Variants in CEPT1 observed in about 807,000 individuals in gnomAD.
CEPT1 encodes choline/ethanolaminephosphotransferase 1.
Under a neutral mutation model 42.6 loss-of-function variants are expected in CEPT1, and 7 were observed. That is an observed-to-expected ratio of 0.16 (90% CI 0.09 to 0.31). The LOEUF is 0.31. CEPT1 is among the 10% of genes least tolerant of loss of function. CEPT1 has a pLI of 1.00. For missense variants in CEPT1, 306 were observed against 502.1 expected, an observed-to-expected ratio of 0.61 and a Z score of 3.73; for synonymous variants, 171 against 171.9, an observed-to-expected ratio of 0.99 and a Z score of 0.04.
At chr1:111,149,437 A>G (rs749054067) in intron 2 of CEPT1, among the ~76,000 whole-genome samples, 1 of 151,826 alleles carries the variant, frequency 6.6e-6, no homozygotes, top group Non-Finnish European at 1.5e-5. Flanking sequence ...TAATTTTTGT[A>G]TTTGTAGTAG....
chr1:111,157,873 G>T (rs899881767), intron 2 of CEPT1, among the ~76,000 whole-genome samples: 16 of 152,178 alleles, frequency 1.1e-4, no homozygotes, highest in Non-Finnish European at 2.1e-4. Flanking sequence ...TTGCATCTCT[G>T]AGTGTTTAAT....
chr1:111,156,759 GA>G (rs1302680798), intron 2 of CEPT1, among the ~76,000 whole-genome samples: 1 of 151,870 alleles, frequency 6.6e-6, no homozygotes, highest in African/African-American at 2.4e-5. Context: ...CCCAGAAAAA[GA>G]AAAAAATTAC....
In CEPT1 at chr1:111,183,511, T is replaced by C. The variant is rs1236528616; in HGVS notation, c.1055T>C (p.Ile352Thr). The C allele has an allele frequency of 1.2e-6, 2 of 1,613,628 alleles. No individual in the cohort carries two copies. The highest frequency in any genetic ancestry group is 1.7e-6 in the Non-Finnish European group (2 of 1,179,646). ...SEMHLHDTAF[I>T]GPALLFLDQY... ...ATGCATTTGCATGACACAGCATTCA[T>C]AGGTCCGGCACTTTTGTTTCTGGAC... The change falls in exon 8 of 9, where the codon ATA becomes ACA. Residue 352 changes from isoleucine (I) to threonine (T), a missense_variant. Coordinates refer to ENST00000357172, the MANE Select transcript of CEPT1 (RefSeq NM_006090.5).
intron 5 of CEPT1, among the ~76,000 whole-genome samples, chr1:111,177,239 C>T (rs187279142): frequency 3.3e-5 from 5 of 152,160 alleles, no homozygotes; most frequent in East Asian, 1.9e-4. Flanking sequence ...GGTGTACTTA[C>T]GTGACAGGAT....
intron 1 of CEPT1, among the ~76,000 whole-genome samples, chr1:111,143,080 TTACAGG>T (rs1654749392): frequency 7.9e-5 from 12 of 152,250 alleles, no homozygotes; most frequent in Admixed American, 7.8e-4. Context: ...TGTTCTAAAG[TTACAGG>T]TTTCTTTATA....
intron 4 of CEPT1, among the ~76,000 whole-genome samples, chr1:111,169,693 ACT>A (rs1243441296): frequency 4.6e-5 from 7 of 152,288 alleles, no homozygotes; most frequent in African/African-American, 1.7e-4. Context: ...TGTCAAATAT[ACT>A]TTTTTTATGA....
At chr1:111,174,819 G>A in intron 4 of CEPT1, 60 bp from the exon 5 acceptor site, 1 of 1,010,552 alleles carries the variant, frequency 9.9e-7, no homozygotes, top group Non-Finnish European at 1.6e-6. Context: ...AAGCTTGCAA[G>A]TAATTAACTT....
At chr1:111,143,218 C>T (rs1437294323) in intron 1 of CEPT1, among the ~76,000 whole-genome samples, 1 of 152,208 alleles carries the variant, frequency 6.6e-6, no homozygotes, top group Non-Finnish European at 1.5e-5. Flanking sequence ...TGATCTCTCT[C>T]GTACCTGAGC....
intron 1 of CEPT1, among the ~76,000 whole-genome samples, chr1:111,141,643 T>G (rs1654581868): frequency 1.3e-5 from 2 of 152,128 alleles, no homozygotes; most frequent in African/African-American, 4.8e-5. Flanking sequence ...TTTCCTCTTT[T>G]AAGGAGTGCA....
At chr1:111,174,428 A>C (rs572954545) in intron 4 of CEPT1, among the ~76,000 whole-genome samples, 2 of 152,188 alleles carry the variant, frequency 1.3e-5, no homozygotes, top group African/African-American at 2.4e-5. Flanking sequence ...TAAGTTTTAC[A>C]GAGTCTTAGT....
intron 4 of CEPT1, among the ~76,000 whole-genome samples, chr1:111,163,528 T>C (rs955823727): frequency 1.3e-5 from 2 of 151,732 alleles, no homozygotes; most frequent in African/African-American, 4.8e-5. Context: ...ACTTGCGCCC[T>C]GGAAATAGAG....
chr1:111,169,795 A>G (rs1656332314), intron 4 of CEPT1, among the ~76,000 whole-genome samples: 1 of 152,298 alleles, frequency 6.6e-6, no homozygotes, highest in South Asian at 2.1e-4. Context: ...TCTATAAGCT[A>G]TTTCCTGTTG....
chr1:111,159,178 G>T (rs1655742822), intron 2 of CEPT1, among the ~76,000 whole-genome samples: 1 of 151,954 alleles, frequency 6.6e-6, no homozygotes, highest in South Asian at 2.1e-4. Context: ...GCCTCCCAAA[G>T]TGCTGGGATT....
Position 111,174,940 on chromosome 1 carries a change from G to A in CEPT1, c.691G>A (p.Gly231Arg). 6.2e-7 allele frequency: 1 copy of A among 1,610,836 alleles called. No homozygotes were observed. Among genetic ancestry groups the A allele is most frequent in the Non-Finnish European group, 8.5e-7 (1 of 1,177,254 alleles). Residue 231 changes from glycine to arginine, a missense_variant, in exon 5 of 9, where the codon GGA becomes AGA. By Grantham distance (125) the Gly-to-Arg change is moderately radical. This residue lies in a region of CEPT1 where 253 missense variants were observed against 447.3 expected (regional missense o/e 0.57). Coordinates refer to ENST00000357172, the MANE Select transcript of CEPT1 (RefSeq NM_006090.5). ...IIMHLLAVIGGPPFWQSMIPV... is the reference protein window; with the variant it reads ...IIMHLLAVIGRPPFWQSMIPV... ...CATGCATTTGCTGGCAGTGATTGGAGGACCACCTTTTTGGCAATCTATGGT... is the reference window on the plus strand; with the variant it reads ...CATGCATTTGCTGGCAGTGATTGGAAGACCACCTTTTTGGCAATCTATGGT...
chr1:111,153,204 A>G (rs867565850), intron 2 of CEPT1, among the ~76,000 whole-genome samples: 5 of 152,018 alleles, frequency 3.3e-5, no homozygotes, highest in African/African-American at 9.7e-5. Flanking sequence ...TAGCTCCTGC[A>G]TATGAGTAAG....
chr1:111,180,555 AGTTGACCTAGTTAATTTTAGAACTAG>A (rs1254655555), intron 5 of CEPT1: 5 of 152,338 alleles, frequency 3.3e-5, no homozygotes, highest in African/African-American at 7.2e-5. Context: ...GACTTGACTT[AGTTGACCTAGTTAATTTTAGAACTAG>A]GTTGACCTAG....
chr1:111,165,044 CTTTTTTTTTTT>C (rs11323094), intron 4 of CEPT1, among the ~76,000 whole-genome samples: 1 of 83,972 alleles, frequency 1.2e-5, no homozygotes, highest in Non-Finnish European at 2.1e-5. Context: ...AAACATCGGT[CTTTTTTTTTTT>C]TTTTTTTTTT....
Position 111,146,084 on chromosome 1 carries a change from T to C in CEPT1, c.-73-1558T>C, listed in dbSNP as rs1026049530. 1.1e-4 allele frequency among the ~76,000 whole-genome samples: 16 copies of C among 151,906 alleles called. No homozygotes were observed. In the South Asian group the frequency reaches 1.9e-3, roughly 18 times the overall value. ...TTTGTTCTATTAAGATTCTTTCTTT[T>C]TTTTTTTTTTTTAAATGGTCTCTGT... On this transcript the variant is annotated intron_variant, in intron 1 of 8. Transcript: ENST00000357172.
In CEPT1 at chr1:111,161,313, G is replaced by T; in HGVS notation, c.629+17G>T. 6.3e-7 allele frequency: 1 copy of T among 1,578,784 alleles called. No homozygotes were observed. The highest frequency in any genetic ancestry group is 8.6e-7 in the Non-Finnish European group (1 of 1,164,314). On this transcript the variant is annotated intron_variant, in intron 4 of 8. Transcript: ENST00000357172. Reference sequence around the variant, plus strand: ...ATTTGGAATGTAAGTAATACTTAATGGTAATTTTTGTTTTCTCTTTCACAT... The same window carrying T: ...ATTTGGAATGTAAGTAATACTTAATTGTAATTTTTGTTTTCTCTTTCACAT...
Sources: gnomAD v4.1 joint callset for allele counts (sites outside exome capture counted in the v4.1 genomes callset) on GRCh38, gnomAD v4.1.1 for gene constraint, gnomAD v4.1.1 regional missense constraint, MANE v1.5 for transcripts, NCBI Gene and HGNC (gene_info 2026-07-23, HGNC 2026-07-21) for gene names.